ZC3H11A: variants seen among roughly 807,000 people sequenced by gnomAD.
The protein encoded by ZC3H11A is zinc finger CCCH-type containing 11A.
In ZC3H11A, 22 loss-of-function variants were observed where a neutral mutation model predicts 90.8. That is an observed-to-expected ratio of 0.24 (90% CI 0.17 to 0.35). ZC3H11A has a LOEUF of 0.35. Ranked by LOEUF, ZC3H11A falls within the 10% of genes least tolerant of loss-of-function variation. The pLI is 1.00. For synonymous variants in ZC3H11A, 294 were observed against 339.8 expected (o/e 0.87, Z 1.48); for missense variants, 701 against 964.9 (o/e 0.73, Z 3.62).
intron 9 of ZC3H11A, among the ~76,000 whole-genome samples, 173 bp from the exon 10 acceptor site, chr1:203,833,618 G>GTTTTTTTTTTTTTTTTTTT (rs553171669): frequency 8.0e-6 from 1 of 124,832 alleles, no homozygotes; most frequent in Non-Finnish European, 1.7e-5. Context: ...ATAGGTTTGG[G>GTTTTTTTTTTTTTTTTTTT]TTTTTTTTTT....
At chr1:203,828,029 G>C (rs1681125525) in intron 4 of ZC3H11A, among the ~76,000 whole-genome samples, 1 of 148,834 alleles carries the variant, frequency 6.7e-6, no homozygotes, top group Admixed American at 7.1e-5. Flanking sequence ...GTATCATCCT[G>C]CTTCTCTAAA....
chr1:203,800,910 C>T (rs1295457571), intron 1 of ZC3H11A: 1 of 152,592 alleles, frequency 6.6e-6, no homozygotes, highest in Non-Finnish European at 1.5e-5. Flanking sequence ...TGCTTAATTA[C>T]AACTTGGCAA....
chr1:203,840,885 C>T lies in ZC3H11A; in HGVS notation c.1042+511C>T, dbSNP rs1163997220. ...CTGACCTTAGGTGATCCACCTGCCT[C>T]AGCCTCCCAAAATCCTGGGATTACA... On this transcript the variant is annotated intron_variant, in intron 12 of 17. Coordinates refer to ENST00000367210, the MANE Select transcript of ZC3H11A (RefSeq NM_001376342.1). 2.0e-5 allele frequency among the ~76,000 whole-genome samples: 3 copies of T among 152,240 alleles called. No homozygotes were observed. The East Asian group carries it at 5.8e-4, about 29-fold the overall frequency.
intron 1 of ZC3H11A, chr1:203,797,842 C>T: frequency 6.5e-7 from 1 of 1,536,068 alleles, no homozygotes; most frequent in Non-Finnish European, 8.7e-7. Flanking sequence ...TCCAATGACC[C>T]TGAGCAGGAT....
At chr1:203,813,351 C>T (rs1048448756) in intron 2 of ZC3H11A, among the ~76,000 whole-genome samples, 7 of 152,094 alleles carry the variant, frequency 4.6e-5, no homozygotes, top group African/African-American at 1.7e-4. Context: ...GGATCACAGG[C>T]ATTCACCACC....
intron 2 of ZC3H11A, among the ~76,000 whole-genome samples, chr1:203,809,754 G>A (rs1372784084): frequency 1.3e-5 from 2 of 152,140 alleles, no homozygotes; most frequent in East Asian, 1.9e-4. Context: ...AGGAGTTCGA[G>A]ACCAATCTGG....
At chr1:203,803,351 C>T (rs1671107547) in intron 2 of ZC3H11A, among the ~76,000 whole-genome samples, 1 of 151,924 alleles carries the variant, frequency 6.6e-6, no homozygotes, top group Non-Finnish European at 1.5e-5. Context: ...ACCACTACAC[C>T]GGATAATTTT....
At chr1:203,799,583 T>G in intron 1 of ZC3H11A, 1 of 703,106 alleles carries the variant, frequency 1.4e-6, no homozygotes, top group Non-Finnish European at 2.6e-6. Flanking sequence ...TAATGACTTA[T>G]GTTTGTGATA....
At chr1:203,837,895 T>C in intron 10 of ZC3H11A, 71 bp from the exon 11 acceptor site, 1 of 1,441,898 alleles carries the variant, frequency 6.9e-7, no homozygotes, top group Non-Finnish European at 9.6e-7. Flanking sequence ...ATGTTGTCTG[T>C]TTTTGTTTGT....
chr1:203,839,129 G>A (rs1685292393), intron 11 of ZC3H11A, among the ~76,000 whole-genome samples: 1 of 152,154 alleles, frequency 6.6e-6, no homozygotes, highest in African/African-American at 2.4e-5. Flanking sequence ...GATAAGACGA[G>A]GTAGTGGCAT....
chr1:203,818,778 A>T, intron 4 of ZC3H11A, 89 bp downstream of exon 4: 1 of 1,591,368 alleles, frequency 6.3e-7, no homozygotes, highest in Non-Finnish European at 8.6e-7. Context: ...ACTTTTAAAA[A>T]ATATATTAAG....
chr1:203,795,678 C>T lies in ZC3H11A; in HGVS notation c.-1704C>T, dbSNP rs535118655. 2 of 152,330 alleles carry T rather than the reference C, an allele frequency of 1.3e-5. No homozygotes were observed. Among genetic ancestry groups the T allele is most frequent in the African/African-American group, 4.8e-5 (2 of 41,578 alleles). The allele number at this position is 152,330 out of a possible 1,614,324, so 9.4% of individuals were successfully genotyped here. ...TGACGCTGGCAGTCTTGGTTTTCTG[C>T]TAGTGCTGCTGCTGCTGGGAGGACG... On this transcript the variant is annotated 5_prime_UTR_variant, in exon 1 of 18. Coordinates refer to ENST00000367210, the MANE Select transcript of ZC3H11A (RefSeq NM_001376342.1).
chr1:203,798,443 A>G lies in ZC3H11A; in HGVS notation c.-1588+2649A>G, dbSNP rs748387695. 5.2e-6 allele frequency: 8 copies of G among 1,536,034 alleles called. No homozygotes were observed. The South Asian group carries it at 8.3e-5, about 16-fold the overall frequency. On this transcript the variant is annotated intron_variant, in intron 1 of 17. Transcript: ENST00000367210. ...CCCACTTAGGGACTTCAACACTTCA[A>G]CGACACCTGCAAGCCACACATCCTA...
At chr1:203,835,167 T>C (rs1683877188) in intron 10 of ZC3H11A, among the ~76,000 whole-genome samples, 1 of 152,230 alleles carries the variant, frequency 6.6e-6, no homozygotes, top group East Asian at 1.9e-4. Context: ...ACGCTCTAAG[T>C]AATAAAAAAC....
intron 2 of ZC3H11A, among the ~76,000 whole-genome samples, chr1:203,806,421 CCTGCTG>C (rs1014254506): frequency 3.9e-5 from 6 of 152,120 alleles, no homozygotes; most frequent in African/African-American, 1.4e-4. Context: ...CCTGCCTCAG[CCTGCTG>C]AGTAGCTGGG....
intron 4 of ZC3H11A, among the ~76,000 whole-genome samples, chr1:203,825,096 G>C (rs1463967261): frequency 9.5e-6 from 1 of 105,206 alleles, no homozygotes; most frequent in East Asian, 3.1e-4. Flanking sequence ...AAAAAAAAAA[G>C]AAAATAGATG....
In ZC3H11A at chr1:203,815,216, CTTTTTT is replaced by C. The variant is rs59254922; in HGVS notation, c.-145-1699_-145-1694del. Among the ~76,000 whole-genome samples, 4 of 97,144 alleles carry C rather than the reference CTTTTTT, an allele frequency of 4.1e-5. 1 individual carries two copies. The East Asian group carries it at 9.1e-4, about 22-fold the overall frequency. 63.7% of individuals were successfully genotyped at this position (97,144 alleles called of 152,430 possible). On this transcript the variant is annotated intron_variant, in intron 2 of 17. Coordinates refer to ENST00000367210, the MANE Select transcript of ZC3H11A (RefSeq NM_001376342.1). ...TTCATTATTTTCTTCCTTTTCTTTT[CTTTTTT>C]TTTTTTTTTTGAGACAGTGTCTCGC...
At chr1:203,810,665 C>T (rs1158902209) in intron 2 of ZC3H11A, among the ~76,000 whole-genome samples, 4 of 152,044 alleles carry the variant, frequency 2.6e-5, no homozygotes, top group Non-Finnish European at 4.4e-5. Flanking sequence ...GTGATCCACC[C>T]GCCTCGGACT....
chr1:203,827,234 A>G (rs1044842207), intron 4 of ZC3H11A, among the ~76,000 whole-genome samples: 1 of 152,214 alleles, frequency 6.6e-6, no homozygotes, highest in African/African-American at 2.4e-5. Context: ...GCTATTGAAA[A>G]TAATATTGCT....
Sources: gnomAD v4.1 joint callset for allele counts (sites outside exome capture counted in the v4.1 genomes callset) on GRCh38, gnomAD v4.1.1 for gene constraint, MANE v1.5 for transcripts, NCBI Gene and HGNC (gene_info 2026-07-23, HGNC 2026-07-21) for gene names.